Variants in PGBD5 observed in about 807,000 individuals in gnomAD.
PGBD5 encodes piggyBac transposable element-derived protein 5.
Under a neutral mutation model 47.9 loss-of-function variants are expected in PGBD5, and 14 were observed. The observed-to-expected ratio is 0.29, with a 90% CI of 0.19 to 0.46. PGBD5 has a LOEUF of 0.46. Ranked by LOEUF, PGBD5 falls within the 20% of genes least tolerant of loss-of-function variation. The pLI is 1.00. For missense variants in PGBD5, 635 were observed against 716.0 expected (o/e 0.89, Z 1.29); for synonymous variants, 316 against 306.3 (o/e 1.03, Z -0.33).
At chr1:230,359,811 C>CT (rs1466893230) in intron 1 of PGBD5, among the ~76,000 whole-genome samples, 2 of 152,230 alleles carry the variant, frequency 1.3e-5, no homozygotes, top group East Asian at 1.9e-4. Flanking sequence ...AAGGAAGACT[C>CT]TAACTATCTG....
chr1:230,421,217 AC>A (rs1279490538), intron 1 of PGBD5, among the ~76,000 whole-genome samples: 1 of 152,122 alleles, frequency 6.6e-6, no homozygotes, highest in African/African-American at 2.4e-5. Context: ...CCACTATACC[AC>A]CAACACCCTG....
rs749562578 is a variant in PGBD5 at position 230,316,457 on chromosome 1, C to T, written c.*6968G>A. The T allele has an allele frequency of 2.0e-5, 3 of 152,208 alleles. No individual in the cohort carries two copies. The highest frequency in any genetic ancestry group is 2.9e-5 in the Non-Finnish European group (2 of 68,048). The allele number at this position is 152,208 out of a possible 1,614,324, so 9.4% of individuals were successfully genotyped here. A position where few individuals can be genotyped will look rare whatever the true frequency, so the allele number is the denominator to read the frequency against. ...TCTATTGAAATAATAGGGACTGCAT[C>T]CCCTGCTTCCATCCCCTGTTCATTC... On this transcript the variant is annotated 3_prime_UTR_variant, in exon 7 of 7. Coordinates refer to ENST00000391860, the MANE Select transcript of PGBD5 (RefSeq NM_001258311.2).
At chr1:230,394,852 TC>T (rs1656886089) in intron 1 of PGBD5, among the ~76,000 whole-genome samples, 1 of 81,652 alleles carries the variant, frequency 1.2e-5, no homozygotes, top group African/African-American at 5.1e-5. Flanking sequence ...TCTCACTCCC[TC>T]CCTCCTCTCA....
chr1:230,416,365 C>T (rs1657512799), intron 1 of PGBD5, among the ~76,000 whole-genome samples: 2 of 152,206 alleles, frequency 1.3e-5, no homozygotes, highest in African/African-American at 4.8e-5. Context: ...CCCGTACCCA[C>T]TTAAAAATCT....
chr1:230,412,732 G>A (rs1210926534), intron 1 of PGBD5, among the ~76,000 whole-genome samples: 1 of 151,858 alleles, frequency 6.6e-6, no homozygotes, highest in Non-Finnish European at 1.5e-5. Context: ...AGTAGGCTGA[G>A]GAGGAGGAGG....
In PGBD5 at chr1:230,328,317, A is replaced by T. The variant is rs190128379; in HGVS notation, c.1274-2902T>A. 2.6e-5 allele frequency among the ~76,000 whole-genome samples: 4 copies of T among 152,156 alleles called. No homozygotes were observed. The East Asian group carries it at 7.7e-4, about 29-fold the overall frequency. On this transcript the variant is annotated intron_variant, in intron 5 of 6. Coordinates refer to ENST00000391860, the MANE Select transcript of PGBD5 (RefSeq NM_001258311.2). ...TTTAACATGGGGGTTTCAGCTTGAA[A>T]CTGAGCTGTTTCCACACCAGATCTG... is the stretch of plus-strand genomic sequence containing the variant.
intron 1 of PGBD5, among the ~76,000 whole-genome samples, chr1:230,393,931 G>T (rs903281053): frequency 6.6e-6 from 1 of 151,946 alleles, no homozygotes; most frequent in African/African-American, 2.4e-5. Flanking sequence ...CCGCCCTAGA[G>T]TCCGCCACAC....
At chr1:230,391,130 G>A (rs1049394230) in intron 1 of PGBD5, among the ~76,000 whole-genome samples, 5 of 150,724 alleles carry the variant, frequency 3.3e-5, no homozygotes, top group African/African-American at 4.9e-5. Flanking sequence ...GCATGTCACC[G>A]AGGCAGGACA....
In PGBD5 at chr1:230,316,115, T is replaced by G. The variant is rs530987061; in HGVS notation, c.*7310A>C. 4.2e-5 allele frequency: 6 copies of G among 142,974 alleles called. No homozygotes were observed. The highest frequency in any genetic ancestry group is 2.1e-4 in the Admixed American group (3 of 14,552). 8.9% of individuals were successfully genotyped at this position (142,974 alleles called of 1,614,324 possible). On this transcript the variant is annotated 3_prime_UTR_variant, in exon 7 of 7. Coordinates refer to ENST00000391860, the MANE Select transcript of PGBD5 (RefSeq NM_001258311.2). Reference sequence around the variant, plus strand: ...ATACATATGTTTATGTGTACACATATATCTATGTGTATACATACATATGTA... The same window carrying G: ...ATACATATGTTTATGTGTACACATAGATCTATGTGTATACATACATATGTA...
chr1:230,370,189 A>ACGGGG (rs1458112893), intron 1 of PGBD5, among the ~76,000 whole-genome samples: 77 of 152,298 alleles, frequency 5.1e-4, no homozygotes, highest in African/African-American at 1.7e-3. Context: ...TGCAGTCAAG[A>ACGGGG]CAGGGCAGGG....
At chr1:230,367,689 G>A (rs573294939) in intron 1 of PGBD5, among the ~76,000 whole-genome samples, 2 of 152,284 alleles carry the variant, frequency 1.3e-5, no homozygotes, top group East Asian at 3.9e-4. Context: ...CAGAGACCCT[G>A]TCTCTTAAAA....
At chr1:230,346,824 A>G (rs1252114762) in intron 3 of PGBD5, among the ~76,000 whole-genome samples, 2 of 152,008 alleles carry the variant, frequency 1.3e-5, no homozygotes, top group Non-Finnish European at 2.9e-5. Context: ...GTCGATGAAT[A>G]TTTTTAACGT....
intron 1 of PGBD5, among the ~76,000 whole-genome samples, chr1:230,387,440 C>T (rs908991069): frequency 2.6e-5 from 4 of 152,158 alleles, no homozygotes; most frequent in African/African-American, 9.7e-5. Context: ...AGGCTGCAGG[C>T]TTGGGGAAGC....
At position 230,323,043 on chromosome 1, in the gene PGBD5, G is replaced by C. The variant is rs2102808964; in HGVS notation, c.*382C>G. 5.5e-6 allele frequency: 1 copy of C among 182,476 alleles called. No homozygotes were observed. The highest frequency in any genetic ancestry group is 2.6e-3 in the Middle Eastern group (1 of 386). The allele number at this position is 182,476 out of a possible 1,614,324, so 11.3% of individuals were successfully genotyped here. A position where few individuals can be genotyped will look rare whatever the true frequency, so the allele number is the denominator to read the frequency against. On this transcript the variant is annotated 3_prime_UTR_variant, in exon 7 of 7. Transcript: ENST00000391860. This position sits in a 1 kb window ranked among gnomAD's most constrained non-coding sequence, Gnocchi z 4.1. ...TTGAACCACGTCCCAGATTGCTGTA[G>C]ATCTTTAGGAAGCAGGCATCTCTCT... is the stretch of plus-strand genomic sequence containing the variant.
At chr1:230,371,554 G>A (rs573622260) in intron 1 of PGBD5, among the ~76,000 whole-genome samples, 1 of 152,310 alleles carries the variant, frequency 6.6e-6, no homozygotes, top group East Asian at 1.9e-4. Context: ...AAACCCAGAG[G>A]CAGTTGTTTT....
intron 1 of PGBD5, chr1:230,377,382 G>T: frequency 3.5e-6 from 4 of 1,155,498 alleles, no homozygotes; most frequent in South Asian, 2.7e-5. Context: ...ACATCAACAC[G>T]TGATAAATCC....
chr1:230,337,262 C>A lies in PGBD5; in HGVS notation c.921G>T (p.Gly307=), dbSNP rs183337366. The A allele has an allele frequency of 7.1e-5, 115 of 1,613,194 alleles. No individual in the cohort carries two copies. The Admixed American group carries it at 8.2e-4, about 11-fold the overall frequency. Residue 307 remains glycine (G), a synonymous_variant, in exon 4 of 7, where the codon GGG becomes GGT. Coordinates refer to ENST00000391860, the MANE Select transcript of PGBD5 (RefSeq NM_001258311.2). ...IQIYVHLKEG[G]GPDGLDALKN... ...TCAGCGCATCCAGGCCATCTGGGCC[C>A]CCACCTTCCTTCAGGTGGACATAAA...
At chr1:230,400,961 C>T (rs1383294662) in intron 1 of PGBD5, among the ~76,000 whole-genome samples, 1 of 152,224 alleles carries the variant, frequency 6.6e-6, no homozygotes, top group Non-Finnish European at 1.5e-5. Context: ...TAACTACAAA[C>T]AGGTCAGAAT....
rs1476162798 is a variant in PGBD5, at chr1:230,357,469, A to G, written c.332-148T>C. On this transcript the variant is annotated intron_variant, in intron 1 of 6. Coordinates refer to ENST00000391860, the MANE Select transcript of PGBD5 (RefSeq NM_001258311.2). This position sits in a 1 kb window ranked among gnomAD's most constrained non-coding sequence, Gnocchi z 5.7. Reference sequence around the variant, plus strand: ...ACCGCCTTCCCCTCCAACCTTCCAGAAGCTGCTGCAACCACCTGACAGTGC... The same window carrying G: ...ACCGCCTTCCCCTCCAACCTTCCAGGAGCTGCTGCAACCACCTGACAGTGC... 2 of 845,076 alleles carry G rather than the reference A, an allele frequency of 2.4e-6. No homozygotes were observed. Among genetic ancestry groups the G allele is most frequent in the East Asian group, 2.7e-5 (1 of 37,486 alleles). The allele number at this position is 845,076 out of a possible 1,614,324, so 52.3% of individuals were successfully genotyped here. A position where few individuals can be genotyped will look rare whatever the true frequency, so the allele number is the denominator to read the frequency against.
Sources: gnomAD v4.1 joint callset for allele counts (sites outside exome capture counted in the v4.1 genomes callset) on GRCh38, gnomAD v4.1.1 for gene constraint, Gnocchi (gnomAD v3.1) non-coding constraint, MANE v1.5 for transcripts, NCBI Gene and HGNC (gene_info 2026-07-23, HGNC 2026-07-21) for gene names.